Variants in CUX1 observed in about 807,000 individuals in gnomAD.
CUX1 encodes cut like homeobox 1, also known as protein CASP.
In CUX1, 31 loss-of-function variants were observed where a neutral mutation model predicts 158.8. The ratio of observed to expected loss-of-function variants is 0.20; its 90% CI spans 0.15 to 0.26. The LOEUF is 0.26. Among genes scored for constraint, CUX1 ranks in the 10% least tolerant of loss-of-function variants. The pLI is 1.00. For missense variants in CUX1, 1,589 were observed against 2,014.6 expected (o/e 0.79, Z 4.04); for synonymous variants, 879 against 862.1 (o/e 1.02, Z -0.34).
At chr7:101,914,396 T>TTCCC (rs1180902539) in intron 1 of CUX1, among the ~76,000 whole-genome samples, 2 of 95,530 alleles carry the variant, frequency 2.1e-5, no homozygotes, top group African/African-American at 3.9e-5. Context: ...CCCTCCCTCT[T>TTCCC]TCCCTCCCTC....
chr7:101,822,148 C>T (rs1792720009), intron 1 of CUX1: 1 of 152,266 alleles, frequency 6.6e-6, no homozygotes, highest in African/African-American at 2.4e-5. Context: ...GCCACCGTGC[C>T]CGGCCGATGT....
chr7:101,944,590 T>C (rs1808148650), intron 2 of CUX1, among the ~76,000 whole-genome samples: 1 of 152,206 alleles, frequency 6.6e-6, no homozygotes, highest in African/African-American at 2.4e-5. Context: ...CACACTTTGG[T>C]GCATTTCTCA....
At chr7:102,182,753 T>C (rs1232003094) in intron 11 of CUX1, among the ~76,000 whole-genome samples, 1 of 152,186 alleles carries the variant, frequency 6.6e-6, no homozygotes, top group African/African-American at 2.4e-5. Flanking sequence ...TGTGGTCTTC[T>C]GTTGGAATGC....
intron 4 of CUX1, among the ~76,000 whole-genome samples, chr7:102,083,934 G>A (rs1371818444): frequency 6.8e-6 from 1 of 146,338 alleles, no homozygotes; most frequent in African/African-American, 2.4e-5. Context: ...CACCAAGGCT[G>A]GAGTAAAGTG....
At chr7:102,065,877 G>A (rs981067828) in intron 3 of CUX1, among the ~76,000 whole-genome samples, 4 of 104,288 alleles carry the variant, frequency 3.8e-5, no homozygotes, top group East Asian at 3.7e-4. Flanking sequence ...TGCAACCTCC[G>A]CCTCCTGGGT....
chr7:102,009,199 G>A (rs1421814239), intron 2 of CUX1, among the ~76,000 whole-genome samples: 1 of 152,176 alleles, frequency 6.6e-6, no homozygotes, highest in Admixed American at 6.5e-5. Flanking sequence ...GGGAATTCCA[G>A]ATTTCCTATT....
At chr7:101,867,366 G>T (rs1798040471) in intron 1 of CUX1, among the ~76,000 whole-genome samples, 1 of 152,212 alleles carries the variant, frequency 6.6e-6, no homozygotes, top group African/African-American at 2.4e-5. Flanking sequence ...CAGGCATCAA[G>T]GGAGGTGCTC....
At chr7:102,262,412 A>ATGGATGGATGGG (rs1165194112), downstream of CUX1, among the ~76,000 whole-genome samples, 2 of 151,712 alleles carry the variant, frequency 1.3e-5, no homozygotes, top group African/African-American at 2.4e-5. Context: ...GGATGGATGG[A>ATGGATGGATGGG]TGGATGGATG....
intron 20 of CUX1, among the ~76,000 whole-genome samples, chr7:102,221,898 G>A (rs1387955344): frequency 6.6e-6 from 1 of 152,080 alleles, no homozygotes; most frequent in African/African-American, 2.4e-5. Flanking sequence ...AGGCTGCAGG[G>A]TCCTTGGAAG....
intron 14 of CUX1, among the ~76,000 whole-genome samples, chr7:102,268,796 A>G (rs1586506111): frequency 6.6e-6 from 1 of 152,006 alleles, no homozygotes; most frequent in East Asian, 1.9e-4. Context: ...CAGGAGGAAG[A>G]GAGAGAGAAT....
At chr7:101,852,030 A>G (rs1489701787) in intron 1 of CUX1, among the ~76,000 whole-genome samples, 1 of 151,484 alleles carries the variant, frequency 6.6e-6, no homozygotes, top group Non-Finnish European at 1.5e-5. Context: ...GGGTCTCACT[A>G]TGTTGCCCGG....
At chr7:101,876,515 T>G (rs993873720) in intron 1 of CUX1, among the ~76,000 whole-genome samples, 12 of 149,700 alleles carry the variant, frequency 8.0e-5, no homozygotes, top group Non-Finnish European at 1.3e-4. Flanking sequence ...GCCAACATGG[T>G]GAAACCCTGT....
chr7:102,015,508 G>A (rs1298559051), intron 2 of CUX1, among the ~76,000 whole-genome samples: 2 of 152,146 alleles, frequency 1.3e-5, no homozygotes, highest in African/African-American at 2.4e-5. Context: ...GGTTACAGGT[G>A]TGAGCCACCG....
rs1220735831 is a variant in CUX1, at chr7:102,082,749, G to C, written c.268+12332G>C. 1.4e-5 allele frequency among the ~76,000 whole-genome samples: 2 copies of C among 147,266 alleles called. 1 individual carries two copies. The highest frequency in any genetic ancestry group is 3.1e-5 in the Non-Finnish European group (2 of 65,210). ...CATCTGGCCTCTTTCACTCAGCGCGGTGTTTTGGGATTCATCTAAGTTACT... is the reference window on the plus strand; with the variant it reads ...CATCTGGCCTCTTTCACTCAGCGCGCTGTTTTGGGATTCATCTAAGTTACT... On this transcript the variant is annotated intron_variant, in intron 4 of 23. Transcript: ENST00000292535.
intron 1 of CUX1, among the ~76,000 whole-genome samples, chr7:101,873,563 T>G (rs536321159): frequency 2.0e-5 from 3 of 152,288 alleles, no homozygotes; most frequent in Admixed American, 6.5e-5. Context: ...GGGAGATAGA[T>G]GAAACATTTT....
downstream of CUX1, among the ~76,000 whole-genome samples, chr7:102,261,180 C>T (rs1177098186): frequency 6.6e-6 from 1 of 152,158 alleles, no homozygotes; most frequent in Non-Finnish European, 1.5e-5. Flanking sequence ...CCAAGAAGTT[C>T]AGACTCTTAG....
rs557672918 is a variant in CUX1 at position 102,030,635 on chromosome 7, C to G, written c.189+2490C>G. On this transcript the variant is annotated intron_variant, in intron 3 of 23. Transcript: ENST00000292535. ...GCCCTCCTCGCAACTGAGGTCCAGT[C>G]AGGTTCACACATTACATTTGGAAAT... Among the ~76,000 whole-genome samples the G allele has an allele frequency of 4.0e-5, 6 of 148,264 alleles. No homozygotes were observed. In the East Asian group the frequency reaches 1.2e-3, roughly 29 times the overall value.
chr7:101,893,352 C>A (rs192567908), intron 1 of CUX1, among the ~76,000 whole-genome samples: 56 of 151,852 alleles, frequency 3.7e-4, no homozygotes, highest in African/African-American at 1.3e-3. Context: ...TTTCTAATTT[C>A]TACTTTCGAC....
intron 4 of CUX1, among the ~76,000 whole-genome samples, chr7:102,094,514 C>T (rs1828981676): frequency 6.6e-6 from 1 of 152,202 alleles, no homozygotes; most frequent in African/African-American, 2.4e-5. Flanking sequence ...CACCGGATTC[C>T]TTGCTTAACC....
Sources: gnomAD v4.1 joint callset for allele counts (sites outside exome capture counted in the v4.1 genomes callset) on GRCh38, gnomAD v4.1.1 for gene constraint, MANE v1.5 for transcripts, NCBI Gene and HGNC (gene_info 2026-07-23, HGNC 2026-07-21) for gene names.